The following KMT2C variants were observed in gnomAD, a reference collection of about 807,000 sequenced individuals.
The protein encoded by KMT2C is histone-lysine N-methyltransferase 2C.
Under a neutral mutation model 507.9 loss-of-function variants are expected in KMT2C, and 88 were observed. That is an observed-to-expected ratio of 0.17 (90% confidence interval 0.15 to 0.21). KMT2C has a LOEUF of 0.21. KMT2C is among the 10% of genes least tolerant of loss of function. KMT2C has a pLI of 1.00. For missense variants in KMT2C, 4,954 were observed against 5,957.8 expected (o/e 0.83, Z 5.55); for synonymous variants, 2,049 against 2,080.8 (o/e 0.98, Z 0.42).
chr7:152,178,086 GAA>G lies in KMT2C; in HGVS notation c.7443-78_7443-77del, dbSNP rs1168768098. 1.3e-5 allele frequency: 16 copies of G among 1,231,344 alleles called. No homozygotes were observed. In the Admixed American group the frequency reaches 1.5e-4, roughly 11 times the overall value. The allele number at this position is 1,231,344 out of a possible 1,614,324, so 76.3% of individuals were successfully genotyped here. On this transcript the variant is annotated intron_variant, in intron 37 of 58. Coordinates refer to ENST00000262189, the MANE Select transcript of KMT2C (RefSeq NM_170606.3). ...AAATTTAGAGTTAAGTTGAAAAAAA[GAA>G]AAGTCTTCAATTAAACTGTACATAC...
At chr7:152,264,788 C>CA (rs2095835894) in intron 8 of KMT2C, among the ~76,000 whole-genome samples, 1 of 151,428 alleles carries the variant, frequency 6.6e-6, no homozygotes, top group Non-Finnish European at 1.5e-5. Flanking sequence ...TGATTAAAAT[C>CA]AGTTTTGTTT....
intron 16 of KMT2C, among the ~76,000 whole-genome samples, chr7:152,234,379 T>C (rs1160787592): frequency 2.0e-5 from 3 of 150,904 alleles, no homozygotes; most frequent in Non-Finnish European, 4.4e-5. Flanking sequence ...CGAAACTCTA[T>C]CTCAAAAGAA....
intron 2 of KMT2C, among the ~76,000 whole-genome samples, chr7:152,344,595 CAT>C (rs374522359): frequency 6.6e-5 from 10 of 151,182 alleles, no homozygotes; most frequent in African/African-American, 2.2e-4. Context: ...TTGTTGTAAA[CAT>C]ATATTACAAA....
intron 2 of KMT2C, among the ~76,000 whole-genome samples, chr7:152,352,978 T>C (rs1051435266): frequency 2.6e-5 from 4 of 152,212 alleles, no homozygotes; most frequent in Admixed American, 6.5e-5. Flanking sequence ...CTAATTATAG[T>C]TAATGAAAAC....
intron 16 of KMT2C, among the ~76,000 whole-genome samples, chr7:152,230,747 G>A (rs1193430636): frequency 6.6e-6 from 1 of 152,214 alleles, no homozygotes; most frequent in Non-Finnish European, 1.5e-5. Flanking sequence ...CATATTACGT[G>A]TTGAAATGGT....
intron 2 of KMT2C, among the ~76,000 whole-genome samples, chr7:152,337,205 G>C (rs529675398): frequency 1.3e-5 from 2 of 152,210 alleles, no homozygotes; most frequent in South Asian, 4.2e-4. Flanking sequence ...GGGAGGCAGA[G>C]GTTGCAGCTG....
intron 42 of KMT2C, among the ~76,000 whole-genome samples, chr7:152,164,030 G>C (rs539143260): frequency 6.6e-6 from 1 of 151,896 alleles, no homozygotes; most frequent in Non-Finnish European, 1.5e-5. Context: ...TTTAACAACA[G>C]GATTTTTATA....
At chr7:152,268,763 A>G (rs994128840) in intron 7 of KMT2C, among the ~76,000 whole-genome samples, 3 of 152,128 alleles carry the variant, frequency 2.0e-5, no homozygotes, top group African/African-American at 7.2e-5. Flanking sequence ...TAAACAATTC[A>G]TTTTTCTATT....
rs144222590 is a variant in KMT2C, at chr7:152,158,943, G to T, written c.11590C>A (p.Arg3864Ser). ...TQRTGEKAAP[R>S]SKKRKKDEEE... The stretch of plus-strand genomic sequence containing the variant: ...TCGTCCTTTTTCCTTTTCTTTGAGC[G>T]AGGTGCTGCTTTCTCACCCGTCCTC... Residue 3864 changes from arginine to serine, a missense_variant, in exon 44 of 59, where the codon CGC becomes AGC. This residue lies in a region of KMT2C where 801 missense variants were observed against 751.2 expected (regional missense o/e 1.07). Coordinates refer to ENST00000262189, the MANE Select transcript of KMT2C (RefSeq NM_170606.3). 2 of 1,614,102 alleles carry T rather than the reference G, an allele frequency of 1.2e-6. No individual in the cohort carries two copies. Among genetic ancestry groups the T allele is most frequent in the Non-Finnish European group, 1.7e-6 (2 of 1,180,022 alleles).
intron 7 of KMT2C, among the ~76,000 whole-genome samples, chr7:152,272,133 C>T (rs1321067353): frequency 6.6e-6 from 1 of 152,070 alleles, no homozygotes; most frequent in Non-Finnish European, 1.5e-5. Context: ...AGGCAGAGTA[C>T]TCATAATTTT....
In KMT2C at chr7:152,176,965, T is replaced by A. The variant is rs147851738; in HGVS notation, c.8488A>T (p.Asn2830Tyr). The A allele has an allele frequency of 1.2e-6, 2 of 1,614,168 alleles. No homozygotes were observed. Among genetic ancestry groups the A allele is most frequent in the Non-Finnish European group, 1.7e-6 (2 of 1,179,992 alleles). Residue 2830 changes from asparagine (N) to tyrosine (Y), a missense_variant, in exon 38 of 59, where the codon AAT becomes TAT. By Grantham distance (143) the Asn-to-Tyr change is moderately radical. This residue lies in a region of KMT2C where 1,689 missense variants were observed against 1,654.3 expected (regional missense o/e 1.02). Coordinates refer to ENST00000262189, the MANE Select transcript of KMT2C (RefSeq NM_170606.3). ...NEVKTEVLSP[N>Y]SKVESKCETE... ...TCACATTTGGATTCCACCTTAGAAT[T>A]TGGAGACAGTACTTCCGTTTTTACC...
At chr7:152,385,394 C>T (rs2097415734) in intron 1 of KMT2C, among the ~76,000 whole-genome samples, 1 of 135,716 alleles carries the variant, frequency 7.4e-6, no homozygotes, top group Non-Finnish European at 1.5e-5. Context: ...GGGCGGATCA[C>T]GAGGTCAGGA....
At chr7:152,342,593 T>C (rs935201767) in intron 2 of KMT2C, among the ~76,000 whole-genome samples, 16 of 152,108 alleles carry the variant, frequency 1.1e-4, no homozygotes, top group African/African-American at 3.1e-4. Context: ...CAGAAACCCA[T>C]GGGTAAAAAG....
chr7:152,274,678 G>C (rs1281119356), intron 6 of KMT2C, among the ~76,000 whole-genome samples: 1 of 152,174 alleles, frequency 6.6e-6, no homozygotes, highest in Non-Finnish European at 1.5e-5. Flanking sequence ...TCTTTGAAGA[G>C]AGTTTGATGG....
chr7:152,434,597 A>AG (rs1436371362), intron 1 of KMT2C, among the ~76,000 whole-genome samples: 1 of 152,214 alleles, frequency 6.6e-6, no homozygotes, highest in African/African-American at 2.4e-5. Flanking sequence ...TCATCTCACG[A>AG]AATGAGTAAG....
chr7:152,416,066 G>A (rs2097732524), intron 1 of KMT2C, among the ~76,000 whole-genome samples: 1 of 151,994 alleles, frequency 6.6e-6, no homozygotes, highest in Non-Finnish European at 1.5e-5. Context: ...AACCTTTTTA[G>A]GGAGTGGCAT....
intron 1 of KMT2C, among the ~76,000 whole-genome samples, chr7:152,384,355 T>G (rs200789020): frequency 0.011 from 1,099 of 103,900 alleles, no homozygotes; most frequent in South Asian, 0.029. Flanking sequence ...CCAGCCCTAC[T>G]GAATTTCTTC....
chr7:152,350,255 A>T (rs889491172), intron 2 of KMT2C, among the ~76,000 whole-genome samples: 19 of 152,330 alleles, frequency 1.2e-4, no homozygotes, highest in Admixed American at 1.3e-4. Context: ...TGTCTCAAAA[A>T]AAATAAATAA....
intron 9 of KMT2C, among the ~76,000 whole-genome samples, chr7:152,259,381 GTAAT>G (rs940106921): frequency 1.3e-5 from 2 of 150,222 alleles, no homozygotes; most frequent in Non-Finnish European, 3.0e-5. Context: ...CACAACGTAT[GTAAT>G]TAACCCTCAA....
Sources: gnomAD v4.1 joint callset for allele counts (sites outside exome capture counted in the v4.1 genomes callset) on GRCh38, gnomAD v4.1.1 for gene constraint, gnomAD v4.1.1 regional missense constraint, MANE v1.5 for transcripts, NCBI Gene and HGNC (gene_info 2026-07-23, HGNC 2026-07-21) for gene names.